The following PXMP2 variants were observed in gnomAD, a reference collection of about 807,000 sequenced individuals.
The protein encoded by PXMP2 is 22 kDa peroxisomal membrane protein.
PXMP2 carries 13 observed loss-of-function variants against 20.2 expected under a neutral mutation model. The ratio of observed to expected loss-of-function variants is 0.64; its 90% CI spans 0.42 to 1.02. The LOEUF (loss-of-function observed/expected upper bound fraction) is 1.02. Ranked by LOEUF, PXMP2 falls within the 50% of genes least tolerant of loss-of-function variation. The probability of loss-of-function intolerance (pLI) is 0.00; values close to 1 mark genes in which losing one functional copy is unlikely to be tolerated. For missense variants in PXMP2, 284 were observed against 251.8 expected (o/e 1.13, Z -0.87); for synonymous variants, 113 against 111.2 (o/e 1.02, Z -0.10).
intron 4 of PXMP2, 48 bp downstream of exon 4, chr12:132,701,417 TTTCCTTCCTTCC>T (rs549705164): frequency 6.3e-7 from 1 of 1,585,956 alleles, no homozygotes; most frequent in Non-Finnish European, 8.6e-7. Context: ...TTGTCAGCCT[TTTCCTTCCTTCC>T]TTCCTTCCTC....
At chr12:132,693,994 C>T (rs1293324613) in intron 2 of PXMP2, among the ~76,000 whole-genome samples, 25 of 101,134 alleles carry the variant, frequency 2.5e-4, no homozygotes, top group Non-Finnish European at 4.0e-4. Flanking sequence ...AGCTCCCTTG[C>T]CAGTTAGTTA....
intron 1 of PXMP2, 136 bp from the exon 2 acceptor site, chr12:132,690,127 G>A: frequency 4.5e-6 from 3 of 669,892 alleles, no homozygotes; most frequent in Non-Finnish European, 7.9e-6. Flanking sequence ...ACTATACATT[G>A]CAGCCGCTTT....
At chr12:132,704,124 T>C (rs529830946) in intron 4 of PXMP2, among the ~76,000 whole-genome samples, 148 of 152,270 alleles carry the variant, frequency 9.7e-4, no homozygotes, top group African/African-American at 3.4e-3. Context: ...TAGCACCACG[T>C]GCCAGGGAGA....
At chr12:132,690,935 CAACTT>C (rs1034829205) in intron 2 of PXMP2, among the ~76,000 whole-genome samples, 4 of 152,096 alleles carry the variant, frequency 2.6e-5, no homozygotes, top group African/African-American at 7.2e-5. Context: ...ACAAGTAACT[CAACTT>C]AACCTAAAGT....
intron 3 of PXMP2, among the ~76,000 whole-genome samples, chr12:132,699,027 G>A (rs573514580): frequency 1.3e-4 from 20 of 152,300 alleles, no homozygotes; most frequent in Non-Finnish European, 2.6e-4. Context: ...CTGTGGTGAA[G>A]TCTGAGCTTT....
At chr12:132,688,259 G>C (rs1431727796) in intron 1 of PXMP2, 6 of 225,386 alleles carry the variant, frequency 2.7e-5, no homozygotes, top group Admixed American at 1.3e-4. Flanking sequence ...GACAGGGCGA[G>C]GGGAGCGGGT....
intron 2 of PXMP2, among the ~76,000 whole-genome samples, chr12:132,695,434 G>A (rs1255360891): frequency 6.6e-6 from 1 of 152,234 alleles, no homozygotes; most frequent in Admixed American, 6.5e-5. Context: ...GCTTCTCGAA[G>A]CCTGGCCCTG....
intron 3 of PXMP2, among the ~76,000 whole-genome samples, chr12:132,699,640 C>T (rs890513861): frequency 6.7e-6 from 1 of 149,936 alleles, no homozygotes; most frequent in Non-Finnish European, 1.5e-5. Flanking sequence ...AACGATTTTC[C>T]TGCCTCAGCC....
chr12:132,689,102 G>C (rs1193983772), intron 1 of PXMP2, among the ~76,000 whole-genome samples: 2 of 118,424 alleles, frequency 1.7e-5, no homozygotes, highest in East Asian at 5.3e-4. Flanking sequence ...CGGGGCGCGG[G>C]TGAAGACAGG....
intron 4 of PXMP2, 56 bp from the exon 5 acceptor site, chr12:132,704,563 A>G (rs1231891566): frequency 1.5e-6 from 2 of 1,324,564 alleles, no homozygotes; most frequent in Non-Finnish European, 2.0e-6. Flanking sequence ...CTGAGGCTGG[A>G]TAACTGGCCA....
At chr12:132,704,049 C>T (rs141839699) in intron 4 of PXMP2, among the ~76,000 whole-genome samples, 1 of 152,298 alleles carries the variant, frequency 6.6e-6, no homozygotes, top group African/African-American at 2.4e-5. Context: ...TGAGCAGTGA[C>T]TGTGCGCCAT....
intron 1 of PXMP2, among the ~76,000 whole-genome samples, chr12:132,688,316 G>A (rs2043332542): frequency 7.0e-6 from 1 of 142,814 alleles, no homozygotes; most frequent in South Asian, 2.3e-4. Flanking sequence ...GGTCTGCGGG[G>A]CACGGGTGAA....
intron 2 of PXMP2, among the ~76,000 whole-genome samples, chr12:132,693,726 T>G (rs61952128): frequency 1.4e-3 from 152 of 105,878 alleles, no homozygotes; most frequent in Non-Finnish European, 1.8e-3. Context: ...GTTAGTGAGC[T>G]CCCTTGCCAG....
At chr12:132,703,657 G>A (rs10781629) in intron 4 of PXMP2, among the ~76,000 whole-genome samples, 74,694 of 152,012 alleles carry the variant, frequency 0.49, 19,127 homozygotes, top group Non-Finnish European at 0.57. Flanking sequence ...GGGGATACAG[G>A]AGGGGCAAGT....
In PXMP2 at chr12:132,696,152, T is replaced by C. The variant is rs113296130; in HGVS notation, c.399+106T>C. 10 of 1,321,812 alleles carry C rather than the reference T, an allele frequency of 7.6e-6. No homozygotes were observed. In the Admixed American group the frequency reaches 1.6e-4, roughly 21 times the overall value. 81.9% of individuals were successfully genotyped at this position (1,321,812 alleles called of 1,614,324 possible). On this transcript the variant is annotated intron_variant, in intron 3 of 4. Coordinates refer to ENST00000317479, the MANE Select transcript of PXMP2 (RefSeq NM_018663.3). This position sits in a 1 kb window ranked among gnomAD's most constrained non-coding sequence, Gnocchi z 4.4. ...AGGGTCTGCAGATTTTTCACTCAAA[T>C]TGAAATTTTGCATTTTCTTTTATGA... is the stretch of plus-strand genomic sequence containing the variant.
chr12:132,704,977 G>A lies in PXMP2; in HGVS notation c.*290G>A. ...AGGATCACAATAAACGATAATGCAG[G>A]TTCTTCAATGGTGACTTTAATCTCT... On this transcript the variant is annotated 3_prime_UTR_variant, in exon 5 of 5. Transcript: ENST00000317479. The A allele has an allele frequency of 2.0e-6, 1 of 511,614 alleles. No individual in the cohort carries two copies. The highest frequency in any genetic ancestry group is 3.5e-6 in the Non-Finnish European group (1 of 289,002). The allele number at this position is 511,614 out of a possible 1,614,324, so 31.7% of individuals were successfully genotyped here.
intron 3 of PXMP2, among the ~76,000 whole-genome samples, chr12:132,700,754 C>G (rs774210582): frequency 6.6e-6 from 1 of 151,874 alleles, no homozygotes; most frequent in Non-Finnish European, 1.5e-5. Context: ...TGGCGGACGT[C>G]CAGAGGAATT....
intron 4 of PXMP2, among the ~76,000 whole-genome samples, chr12:132,702,721 G>C (rs943232781): frequency 2.6e-5 from 4 of 152,204 alleles, no homozygotes; most frequent in African/African-American, 9.6e-5. Context: ...TCTGGGAAAG[G>C]TGGGTGCCGT....
chr12:132,699,526 CTTTTTTTTTTTT>C, intron 3 of PXMP2, among the ~76,000 whole-genome samples: 1 of 100,510 alleles, frequency 9.9e-6, no homozygotes, highest in South Asian at 3.4e-4. Context: ...AAAAGACATG[CTTTTTTTTTTTT>C]TTTTTTTTTT....
Sources: allele counts gnomAD v4.1 joint callset (sites outside exome capture counted in the v4.1 genomes callset), GRCh38; gene constraint gnomAD v4.1.1; non-coding constraint Gnocchi (gnomAD v3.1); transcripts MANE v1.5; gene names NCBI Gene and HGNC (gene_info 2026-07-23, HGNC 2026-07-21).